ZNF226: variants seen among roughly 807,000 people sequenced by gnomAD.
ZNF226 encodes Kruppel-associated box protein.
A neutral mutation model predicts 11.4 loss-of-function variants in ZNF226; 6 were observed. That is an observed-to-expected ratio of 0.53 (90% CI 0.29 to 1.04). ZNF226 has a LOEUF of 1.04. Among genes scored for constraint, ZNF226 ranks in the 50% least tolerant of loss-of-function variants. The pLI is 0.08. For missense variants in ZNF226, 1,058 were observed against 956.5 expected (o/e 1.11, Z -1.40); for synonymous variants, 350 against 322.8 (o/e 1.08, Z -0.90).
At chr19:44,178,561 A>G (rs1970856050), downstream of ZNF226, among the ~76,000 whole-genome samples, 1 of 152,224 alleles carries the variant, frequency 6.6e-6, no homozygotes, top group Admixed American at 6.5e-5. Flanking sequence ...GAGAAAAAGG[A>G]CAAAATATTA....
At chr19:44,196,392 A>G in the ZNF226 span, among the ~76,000 whole-genome samples, 1 of 152,158 alleles carries the variant, frequency 6.6e-6, no homozygotes, top group Non-Finnish European at 1.5e-5. Context: ...ATGAAATTCC[A>G]TTTACTAAAT....
chr19:44,177,729 CAG>C, downstream of ZNF226: 2 of 1,507,440 alleles, frequency 1.3e-6, no homozygotes, highest in East Asian at 2.3e-5. Flanking sequence ...GTCTCAAAGT[CAG>C]TGTTTCAGCC....
At chr19:44,195,873 G>A in the ZNF226 span, among the ~76,000 whole-genome samples, 3 of 152,212 alleles carry the variant, frequency 2.0e-5, no homozygotes, top group Non-Finnish European at 4.4e-5. Flanking sequence ...ATTGAATGAA[G>A]AAGAAACATG....
At chr19:44,192,624 G>A in the ZNF226 span, among the ~76,000 whole-genome samples, 1 of 152,120 alleles carries the variant, frequency 6.6e-6, no homozygotes, top group Admixed American at 6.5e-5. Context: ...ACTGAGATAT[G>A]AATTTGAAAA....
downstream of ZNF226, among the ~76,000 whole-genome samples, chr19:44,182,345 G>A (rs917898202): frequency 1.4e-5 from 2 of 145,302 alleles, no homozygotes; most frequent in African/African-American, 2.8e-5. Flanking sequence ...TGATGCGCGC[G>A]CGCGCGTGCA....
downstream of ZNF226, among the ~76,000 whole-genome samples, chr19:44,180,103 A>AC (rs1267404430): frequency 2.4e-4 from 33 of 138,744 alleles, no homozygotes; most frequent in Middle Eastern, 6.9e-3. Context: ...AAAAAAAAAA[A>AC]AAAAAAAACC....
the ZNF226 span, among the ~76,000 whole-genome samples, chr19:44,195,051 A>C: frequency 1.3e-5 from 2 of 152,210 alleles, no homozygotes; most frequent in Non-Finnish European, 2.9e-5. Flanking sequence ...AACCAAAGCA[A>C]ATTCAGTAGA....
chr19:44,187,290 C>T, the ZNF226 span, among the ~76,000 whole-genome samples: 3 of 151,884 alleles, frequency 2.0e-5, no homozygotes, highest in Non-Finnish European at 4.4e-5. The surrounding 1 kb of genome is among the most constrained non-coding windows in gnomAD (Gnocchi z 4.0). Flanking sequence ...CGTCCAATGC[C>T]TCACTAGTTA....
At chr19:44,166,149 A>G (rs9304639) in intron 2 of ZNF226, among the ~76,000 whole-genome samples, 20,929 of 152,210 alleles carry the variant, frequency 0.14, 3,645 homozygotes, top group African/African-American at 0.4. Context: ...ATCATGTGAA[A>G]ATAGGTTGGG....
chr19:44,181,697 A>G (rs934142253), downstream of ZNF226, among the ~76,000 whole-genome samples: 4 of 152,170 alleles, frequency 2.6e-5, no homozygotes, highest in African/African-American at 9.7e-5. Flanking sequence ...GTTTTGCTCA[A>G]TCTAGCTGAG....
the ZNF226 span, among the ~76,000 whole-genome samples, chr19:44,186,165 T>G: frequency 6.6e-6 from 1 of 152,046 alleles, no homozygotes; most frequent in Non-Finnish European, 1.5e-5. Flanking sequence ...TGAAGTATGT[T>G]TTGAAATTAG....
downstream of ZNF226, among the ~76,000 whole-genome samples, chr19:44,182,672 A>G (rs1470328869): frequency 6.6e-6 from 1 of 152,086 alleles, no homozygotes; most frequent in Non-Finnish European, 1.5e-5. Context: ...GGGAGAGGAA[A>G]ATTGTGACAT....
chr19:44,169,777 C>T (rs543018654), intron 2 of ZNF226: 9 of 311,556 alleles, frequency 2.9e-5, no homozygotes, highest in African/African-American at 1.3e-4. Context: ...TCTCAATTTA[C>T]GCTGTACTCA....
At position 44,177,303 on chromosome 19, in the gene ZNF226, A is replaced by G. The variant is rs985848357; in HGVS notation, c.2041A>G (p.Lys681Glu). Reference sequence around the variant, plus strand: ...ATGTGATGAGTGTGGGAAGGGCTTCAAGTGGAGCTTGAACCTTGACATGCA... The same window carrying G: ...ATGTGATGAGTGTGGGAAGGGCTTCGAGTGGAGCTTGAACCTTGACATGCA... ...YKCDECGKGFKWSLNLDMHQR... is the reference protein window; with the variant it reads ...YKCDECGKGFEWSLNLDMHQR... The change falls in exon 6 of 6, where the codon AAG becomes GAG. Residue 681 changes from lysine (K) to glutamate (E), a missense_variant. By Grantham distance (56) the Lys-to-Glu change is moderately conservative. Coordinates refer to ENST00000337433, the MANE Select transcript of ZNF226 (RefSeq NM_001032373.2). The G allele has an allele frequency of 6.2e-7, 1 of 1,614,164 alleles. No homozygotes were observed. Among genetic ancestry groups the G allele is most frequent in the Non-Finnish European group, 8.5e-7 (1 of 1,180,004 alleles).
chr19:44,179,677 A>AC (rs1223365653), downstream of ZNF226, among the ~76,000 whole-genome samples: 2 of 152,196 alleles, frequency 1.3e-5, no homozygotes, highest in African/African-American at 4.8e-5. Context: ...TGGATAGATA[A>AC]CCCAGGGCAC....
In ZNF226 at chr19:44,177,091, C is replaced by T. The variant is rs544911012; in HGVS notation, c.1829C>T (p.Thr610Ile). The T allele has an allele frequency of 6.2e-7, 1 of 1,614,046 alleles. No individual in the cohort carries two copies. The highest frequency in any genetic ancestry group is 1.3e-5 in the African/African-American group (1 of 74,990). The change falls in exon 6 of 6, where the codon ACA becomes ATA. Residue 610 changes from threonine to isoleucine, a missense_variant. By Grantham distance (89) the Thr-to-Ile change is moderately conservative. Coordinates refer to ENST00000337433, the MANE Select transcript of ZNF226 (RefSeq NM_001032373.2). Reference protein sequence around the residue: ...ADLKIHCRIHTGEKPYNCEEC... With the variant: ...ADLKIHCRIHIGEKPYNCEEC... ...CTTAAAATTCACTGTAGGATCCACA[C>T]AGGAGAGAAACCATATAATTGTGAG...
At chr19:44,182,378 C>A (rs547215125), downstream of ZNF226, among the ~76,000 whole-genome samples, 9 of 152,180 alleles carry the variant, frequency 5.9e-5, no homozygotes, top group East Asian at 9.7e-4. Context: ...CACACAAACA[C>A]ACACACCTCA....
chr19:44,178,646 T>G (rs368029148), downstream of ZNF226, among the ~76,000 whole-genome samples: 7 of 152,264 alleles, frequency 4.6e-5, no homozygotes, highest in East Asian at 1.2e-3. Context: ...GTGGTGGCAG[T>G]GAAAAAAATG....
At chr19:44,173,125 T>G (rs1568567860) in intron 5 of ZNF226, 173 bp downstream of exon 5, 2 of 608,980 alleles carry the variant, frequency 3.3e-6, no homozygotes, top group Non-Finnish European at 5.8e-6. Context: ...TTCTGTTCTT[T>G]AAGTGGCAAA....
Sources: allele counts gnomAD v4.1 joint callset (sites outside exome capture counted in the v4.1 genomes callset), GRCh38; gene constraint gnomAD v4.1.1; non-coding constraint Gnocchi (gnomAD v3.1); transcripts MANE v1.5; gene names NCBI Gene and HGNC (gene_info 2026-07-23, HGNC 2026-07-21).